The following SUGP1 variants were observed in gnomAD, a reference collection of about 807,000 sequenced individuals.
The protein encoded by SUGP1 is SURP and G-patch domain-containing protein 1.
SUGP1 carries 34 observed loss-of-function variants against 76.5 expected under a neutral mutation model. The ratio of observed to expected loss-of-function variants is 0.44; its 90% CI spans 0.34 to 0.59. The LOEUF is 0.59. Ranked by LOEUF, SUGP1 falls within the 20% of genes least tolerant of loss-of-function variation. SUGP1 has a pLI of 0.01. For missense variants in SUGP1, 752 were observed against 851.7 expected, an observed-to-expected ratio of 0.88 and a Z score of 1.46; for synonymous variants, 326 against 326.2, an observed-to-expected ratio of 1.00 and a Z score of 0.01.
chr19:19,309,706 C>T (rs925830185), intron 3 of SUGP1, among the ~76,000 whole-genome samples: 2 of 152,104 alleles, frequency 1.3e-5, no homozygotes, highest in African/African-American at 2.4e-5. Context: ...GTCAGGAGAT[C>T]GAGACCATCC....
At chr19:19,291,375 G>T (rs528251220) in intron 8 of SUGP1, among the ~76,000 whole-genome samples, 1 of 151,856 alleles carries the variant, frequency 6.6e-6, no homozygotes, top group East Asian at 1.9e-4. Context: ...AATGAGAGAA[G>T]ACTCAATTAC....
At chr19:19,319,297 C>A (rs899186864) in intron 1 of SUGP1, among the ~76,000 whole-genome samples, 2 of 152,170 alleles carry the variant, frequency 1.3e-5, no homozygotes, top group African/African-American at 4.8e-5. Flanking sequence ...TCTGCTTCAT[C>A]CTTGACATTC....
At chr19:19,301,412 T>TGGACCTGGCCTGGCCATGTCTGCCC (rs1177564474) in intron 7 of SUGP1, among the ~76,000 whole-genome samples, 1 of 152,128 alleles carries the variant, frequency 6.6e-6, no homozygotes, top group Non-Finnish European at 1.5e-5. Context: ...CTCGTCTGCC[T>TGGACCTGGCCTGGCCATGTCTGCCC]GGACCTGGCC....
intron 8 of SUGP1, among the ~76,000 whole-genome samples, chr19:19,282,229 C>T (rs1314674317): frequency 6.6e-6 from 1 of 152,028 alleles, no homozygotes; most frequent in Non-Finnish European, 1.5e-5. Flanking sequence ...ATCTGCCCAC[C>T]TTGGCCTCCC....
At chr19:19,298,374 T>C (rs891796822) in intron 7 of SUGP1, among the ~76,000 whole-genome samples, 15 of 152,186 alleles carry the variant, frequency 9.9e-5, no homozygotes, top group Non-Finnish European at 1.8e-4. Context: ...GGTACACGCC[T>C]GTAGTCCCAA....
At chr19:19,290,294 AGGAG>A (rs1314009770) in intron 8 of SUGP1, among the ~76,000 whole-genome samples, 1 of 152,224 alleles carries the variant, frequency 6.6e-6, no homozygotes, top group Non-Finnish European at 1.5e-5. Flanking sequence ...AATCTATACA[AGGAG>A]AACTGAGTGT....
In SUGP1 at chr19:19,293,116, G is replaced by A. The variant is rs554332515; in HGVS notation, c.1243+3873C>T. On this transcript the variant is annotated intron_variant, in intron 8 of 13. Coordinates refer to ENST00000247001, the MANE Select transcript of SUGP1 (RefSeq NM_172231.4). ...GTAGAGACGGGGTTTCACCATGTTG[G>A]CCAGGCTGGTCTTGAATTCCCGGCC... Among the ~76,000 whole-genome samples, 22 of 151,504 alleles carry A rather than the reference G, an allele frequency of 1.5e-4. 1 individual carries two copies. The highest frequency in any genetic ancestry group is 2.8e-4 in the Non-Finnish European group (19 of 67,910).
chr19:19,299,634 A>G (rs1368473558), intron 7 of SUGP1, among the ~76,000 whole-genome samples: 2 of 151,050 alleles, frequency 1.3e-5, no homozygotes, highest in East Asian at 2.0e-4. Context: ...CACCCCGCTC[A>G]GCCTCCCAAA....
At chr19:19,295,812 G>T (rs2061220813) in intron 8 of SUGP1, among the ~76,000 whole-genome samples, 1 of 152,052 alleles carries the variant, frequency 6.6e-6, no homozygotes, top group Non-Finnish European at 1.5e-5. Context: ...AGAGGTTTCA[G>T]TGAGCTATGA....
chr19:19,305,616 G>A (rs577234959), intron 4 of SUGP1: 92 of 447,000 alleles, frequency 2.1e-4, no homozygotes, highest in African/African-American at 1.7e-3. Flanking sequence ...GATGGATCCC[G>A]CTGCTCCCAA....
At chr19:19,309,564 G>A (rs1216740794) in intron 3 of SUGP1, among the ~76,000 whole-genome samples, 1 of 152,112 alleles carries the variant, frequency 6.6e-6, no homozygotes, top group Non-Finnish European at 1.5e-5. Context: ...CAGATCACGA[G>A]GTCAGGAGAT....
chr19:19,303,523 G>A (rs1223368289), intron 5 of SUGP1, 75 bp from the exon 6 acceptor site: 37 of 1,467,018 alleles, frequency 2.5e-5, no homozygotes, highest in Middle Eastern at 3.4e-4. Context: ...AGCTTCTATC[G>A]TGCAAAAAAA....
Position 19,302,312 on chromosome 19 carries a change from C to T in SUGP1, c.840G>A (p.Glu280=). The T allele has an allele frequency of 6.2e-7, 1 of 1,614,178 alleles. No individual in the cohort carries two copies. The highest frequency in any genetic ancestry group is 8.5e-7 in the Non-Finnish European group (1 of 1,180,022). Residue 280 remains glutamate, a synonymous_variant, in exon 7 of 14, where the codon GAG becomes GAA. Coordinates refer to ENST00000247001, the MANE Select transcript of SUGP1 (RefSeq NM_172231.4). ...TGTTCTGGAGGGCAATGGTTTCCAC[C>T]TCGGGACCCCCGTCCGCTATGAACC... The part of the protein sequence containing the change: ...LARFIADGGP[E]VETIALQNNR...
At chr19:19,294,824 C>T (rs2061212770) in intron 8 of SUGP1, among the ~76,000 whole-genome samples, 1 of 151,056 alleles carries the variant, frequency 6.6e-6, no homozygotes, top group Admixed American at 6.6e-5. Flanking sequence ...ACTTTCTGGC[C>T]ACATTAAAAA....
chr19:19,276,533 T>C lies in SUGP1; in HGVS notation c.*115A>G. Reference sequence around the variant, plus strand: ...ATCTGTGGTGGATGAGCACTGGGACTTTATTACACGGCACGGCACTCGTGA... The same window carrying C: ...ATCTGTGGTGGATGAGCACTGGGACCTTATTACACGGCACGGCACTCGTGA... On this transcript the variant is annotated 3_prime_UTR_variant, in exon 14 of 14. Transcript: ENST00000247001. 7.5e-7 allele frequency: 1 copy of C among 1,333,484 alleles called. No homozygotes were observed. The highest frequency in any genetic ancestry group is 1.8e-5 in the Admixed American group (1 of 55,302). The allele number at this position is 1,333,484 out of a possible 1,614,324, so 82.6% of individuals were successfully genotyped here.
intron 12 of SUGP1, 32 bp from the exon 13 acceptor site, chr19:19,277,108 T>A (rs538028102): frequency 7.8e-5 from 125 of 1,593,546 alleles, no homozygotes; most frequent in Admixed American, 1.6e-4. Flanking sequence ...AGCAGGGACC[T>A]GGGGCCAGAA....
intron 4 of SUGP1, among the ~76,000 whole-genome samples, chr19:19,304,966 CAG>C (rs2061305181): frequency 6.6e-6 from 1 of 152,158 alleles, no homozygotes. Flanking sequence ...GCCATGCAGA[CAG>C]TGGGTCATAA....
chr19:19,296,628 C>A (rs1196664278), intron 8 of SUGP1, among the ~76,000 whole-genome samples: 2 of 146,820 alleles, frequency 1.4e-5, no homozygotes, highest in African/African-American at 5.1e-5. Context: ...GCCTGGGCAA[C>A]AGAGCGAGAC....
chr19:19,287,892 A>G (rs1435046212), intron 8 of SUGP1, among the ~76,000 whole-genome samples: 2 of 152,206 alleles, frequency 1.3e-5, no homozygotes, highest in African/African-American at 2.4e-5. Context: ...AGATATTCCC[A>G]TAAAGTTACA....
Sources: gnomAD v4.1 joint callset for allele counts (sites outside exome capture counted in the v4.1 genomes callset) on GRCh38, gnomAD v4.1.1 for gene constraint, MANE v1.5 for transcripts, NCBI Gene and HGNC (gene_info 2026-07-23, HGNC 2026-07-21) for gene names.